The following POFUT3 variants were observed in gnomAD, a reference collection of about 807,000 sequenced individuals.
POFUT3 encodes GDP-fucose protein O-fucosyltransferase 3.
the POFUT3 span, among the ~76,000 whole-genome samples, chr8:33,422,845 G>A: frequency 1.3e-5 from 2 of 152,034 alleles, no homozygotes; most frequent in South Asian, 4.2e-4. Context: ...TAGACAAGGT[G>A]TTGCTCTGTT....
the POFUT3 span, among the ~76,000 whole-genome samples, chr8:33,469,660 G>A: frequency 0.078 from 11,881 of 152,114 alleles, 956 homozygotes; most frequent in African/African-American, 0.21. Flanking sequence ...ATTATGCAGT[G>A]TTAATAATAC....
chr8:33,360,421 G>C, the POFUT3 span, among the ~76,000 whole-genome samples: 1 of 151,802 alleles, frequency 6.6e-6, no homozygotes, highest in East Asian at 1.9e-4. Flanking sequence ...GCTCCAGCCT[G>C]GGCAATAGAG....
the POFUT3 span, among the ~76,000 whole-genome samples, chr8:33,358,514 G>T: frequency 6.6e-6 from 1 of 152,156 alleles, no homozygotes; most frequent in Non-Finnish European, 1.5e-5. Context: ...TATTGTATCA[G>T]TGTTCAATTT....
chr8:33,461,446 G>A, the POFUT3 span: 54 of 1,613,526 alleles, frequency 3.3e-5, no homozygotes, highest in East Asian at 4.5e-4. Context: ...CTCTGAATCC[G>A]CACCATGCTG....
At chr8:33,377,969 CA>C in the POFUT3 span, among the ~76,000 whole-genome samples, 1 of 152,164 alleles carries the variant, frequency 6.6e-6, no homozygotes, top group East Asian at 1.9e-4. Context: ...GATCACCATA[CA>C]AACAGGTAAC....
chr8:33,447,166 A>G, the POFUT3 span, among the ~76,000 whole-genome samples: 1 of 152,174 alleles, frequency 6.6e-6, no homozygotes, highest in African/African-American at 2.4e-5. Context: ...CAGTGATTCC[A>G]GGCCGGGCGC....
the POFUT3 span, among the ~76,000 whole-genome samples, chr8:33,442,566 G>A: frequency 6.6e-6 from 1 of 152,010 alleles, no homozygotes; most frequent in Non-Finnish European, 1.5e-5. Flanking sequence ...TTACAGGCAT[G>A]AGCCACTGTA....
the POFUT3 span, among the ~76,000 whole-genome samples, chr8:33,321,684 C>T: frequency 2.0e-5 from 3 of 152,102 alleles, no homozygotes; most frequent in African/African-American, 7.2e-5. Context: ...GAATGACATG[C>T]TTGTGCCTGA....
the POFUT3 span, among the ~76,000 whole-genome samples, chr8:33,319,654 A>T: frequency 1.5e-4 from 3 of 20,060 alleles, no homozygotes; most frequent in African/African-American, 6.1e-4. Flanking sequence ...ATATTATATA[A>T]ATATATATAT....
chr8:33,454,513 C>G, the POFUT3 span, among the ~76,000 whole-genome samples: 1 of 152,164 alleles, frequency 6.6e-6, no homozygotes, highest in African/African-American at 2.4e-5. Flanking sequence ...TCTCTTTTGC[C>G]TCCTAAAGTA....
chr8:33,380,178 A>ATATATATACTATATATATATAC, the POFUT3 span, among the ~76,000 whole-genome samples: 1 of 53,898 alleles, frequency 1.9e-5, no homozygotes, highest in Non-Finnish European at 3.2e-5. Context: ...TATATATACT[A>ATATATATACTATATATATATAC]TATATATATA....
At chr8:33,463,744 G>A in the POFUT3 span, among the ~76,000 whole-genome samples, 1 of 152,084 alleles carries the variant, frequency 6.6e-6, no homozygotes, top group Non-Finnish European at 1.5e-5. Context: ...TAGAGATGAG[G>A]TCTCACCATG....
the POFUT3 span, among the ~76,000 whole-genome samples, chr8:33,347,377 T>C: frequency 2.0e-5 from 3 of 152,372 alleles, no homozygotes; most frequent in East Asian, 5.8e-4. Flanking sequence ...GCAGTAAGAC[T>C]TGACAAATTA....
chr8:33,318,785 TATATA>T, the POFUT3 span, among the ~76,000 whole-genome samples: 2 of 52,110 alleles, frequency 3.8e-5, no homozygotes, highest in African/African-American at 2.5e-4. Context: ...TATATATATT[TATATA>T]ATATATATAT....
the POFUT3 span, among the ~76,000 whole-genome samples, chr8:33,406,934 C>A: frequency 1.3e-4 from 20 of 151,860 alleles, no homozygotes; most frequent in African/African-American, 4.6e-4. Context: ...TTTTAAAAAT[C>A]AAAAAACTAA....
At chr8:33,374,035 C>T in the POFUT3 span, among the ~76,000 whole-genome samples, 1 of 152,140 alleles carries the variant, frequency 6.6e-6, no homozygotes, top group African/African-American at 2.4e-5. Flanking sequence ...TGTTAGGAAC[C>T]GGGCTGCAGA....
the POFUT3 span, among the ~76,000 whole-genome samples, chr8:33,380,182 A>C: frequency 1.6e-5 from 1 of 62,318 alleles, no homozygotes; most frequent in Non-Finnish European, 2.8e-5. Context: ...TATACTATAT[A>C]TATATACTAT....
At chr8:33,419,177 C>T in the POFUT3 span, among the ~76,000 whole-genome samples, 6 of 152,158 alleles carry the variant, frequency 3.9e-5, no homozygotes, top group African/African-American at 1.4e-4. Flanking sequence ...AGGGTGACTA[C>T]AGTTAGCAAC....
At chr8:33,400,250 G>C in the POFUT3 span, among the ~76,000 whole-genome samples, 3 of 151,238 alleles carry the variant, frequency 2.0e-5, no homozygotes, top group South Asian at 2.1e-4. Context: ...CCAGGAATTC[G>C]AGACCAGCCT....
Sources: gnomAD v4.1 joint callset for allele counts (sites outside exome capture counted in the v4.1 genomes callset) on GRCh38, gnomAD v4.1.1 for gene constraint, MANE v1.5 for transcripts, NCBI Gene and HGNC (gene_info 2026-07-23, HGNC 2026-07-21) for gene names.